Variants in IFT43 observed in about 807,000 individuals in gnomAD.
IFT43 encodes intraflagellar transport protein 43 homolog.
Under a neutral mutation model 32.3 loss-of-function variants are expected in IFT43, and 33 were observed. That is an observed-to-expected ratio of 1.02 (90% CI 0.77 to 1.37). The LOEUF (loss-of-function observed/expected upper bound fraction) is 1.37. Among genes scored for constraint, IFT43 ranks in the 40% most tolerant of loss-of-function variants. The pLI, the probability that IFT43 is intolerant of heterozygous loss-of-function variation, is 0.00. For missense variants in IFT43, 274 were observed against 265.9 expected (o/e 1.03, Z -0.21); for synonymous variants, 93 against 98.2 (o/e 0.95, Z 0.31).
chr14:76,058,592 A>G lies in IFT43; in HGVS notation c.216-50A>G. On this transcript the variant is annotated intron_variant, in intron 3 of 8. Transcript: ENST00000314067. ...CCTTCCTCAAGATACTACCTGGTGC[A>G]TGAGACTAGTGGGCTCTCAAAAACC... 3.1e-6 allele frequency: 5 copies of G among 1,608,198 alleles called. 1 individual carries two copies. The highest frequency in any genetic ancestry group is 2.5e-6 in the Non-Finnish European group (3 of 1,177,828).
intron 5 of IFT43, among the ~76,000 whole-genome samples, chr14:76,063,892 G>C (rs909519473): frequency 1.3e-5 from 2 of 152,204 alleles, no homozygotes; most frequent in African/African-American, 4.8e-5. Context: ...TCAGAAGCTA[G>C]AGCTGGGGAG....
intron 5 of IFT43, 160 bp downstream of exon 5, chr14:76,059,533 C>A: frequency 1.4e-6 from 1 of 704,456 alleles, no homozygotes; most frequent in Non-Finnish European, 2.5e-6. Flanking sequence ...CTGAATGCTG[C>A]CACCTCTACC....
chr14:76,040,762 C>T (rs2036691070), intron 3 of IFT43, among the ~76,000 whole-genome samples: 1 of 152,222 alleles, frequency 6.6e-6, no homozygotes, highest in African/African-American at 2.4e-5. Flanking sequence ...TTGCTTCCCA[C>T]TCTGAAAAGC....
Position 76,013,521 on chromosome 14 carries a change from G to T in IFT43, c.148-8806G>T, listed in dbSNP as rs2036126063. 2.0e-5 allele frequency among the ~76,000 whole-genome samples: 3 copies of T among 152,218 alleles called. No individual in the cohort carries two copies. The South Asian group carries it at 6.2e-4, about 32-fold the overall frequency. ...TGTTTCAGATTGCCCTGGGGAGACAGCCGTTTTTTGAAATGCGGATAACTA... is the reference window on the plus strand; with the variant it reads ...TGTTTCAGATTGCCCTGGGGAGACATCCGTTTTTTGAAATGCGGATAACTA... On this transcript the variant is annotated intron_variant, in intron 2 of 8. Transcript: ENST00000314067.
At chr14:75,994,924 C>A (rs960194036) in intron 2 of IFT43, among the ~76,000 whole-genome samples, 10 of 152,224 alleles carry the variant, frequency 6.6e-5, no homozygotes, top group Non-Finnish European at 1.0e-4. Context: ...CAAAAGTAAT[C>A]TTTGGCAAAA....
intron 2 of IFT43, among the ~76,000 whole-genome samples, chr14:76,000,422 G>A (rs1233992117): frequency 6.7e-6 from 1 of 149,916 alleles, no homozygotes; most frequent in Non-Finnish European, 1.5e-5. Flanking sequence ...CTGCCACCAC[G>A]CCAGGCTAAT....
At chr14:76,067,513 T>C (rs1273405557) in intron 5 of IFT43, among the ~76,000 whole-genome samples, 1 of 151,240 alleles carries the variant, frequency 6.6e-6, no homozygotes, top group African/African-American at 2.4e-5. Context: ...GAGGTTGCAG[T>C]GAGCCAAGAT....
chr14:76,043,471 A>ATTT (rs571213911), intron 3 of IFT43, among the ~76,000 whole-genome samples: 109 of 146,370 alleles, frequency 7.4e-4, no homozygotes, highest in African/African-American at 2.5e-3. Context: ...AGGTATCACG[A>ATTT]TTTTTTTTTT....
intron 1 of IFT43, among the ~76,000 whole-genome samples, chr14:75,987,745 A>G (rs1486646112): frequency 6.6e-6 from 1 of 152,234 alleles, no homozygotes; most frequent in Non-Finnish European, 1.5e-5. Flanking sequence ...TGTGCTGGGA[A>G]GCCTTAGAGG....
intron 7 of IFT43, among the ~76,000 whole-genome samples, 169 bp downstream of exon 7, chr14:76,082,861 C>T (rs1390469969): frequency 1.3e-5 from 2 of 152,218 alleles, no homozygotes; most frequent in African/African-American, 4.8e-5. Flanking sequence ...CATCTCACAG[C>T]AACCCTGGAC....
chr14:76,027,475 C>T lies in IFT43; in HGVS notation c.215+5081C>T, dbSNP rs549237180. Among the ~76,000 whole-genome samples, 18 of 152,082 alleles carry T rather than the reference C, an allele frequency of 1.2e-4. No homozygotes were observed. In the South Asian group the frequency reaches 3.3e-3, roughly 28 times the overall value. On this transcript the variant is annotated intron_variant, in intron 3 of 8. Transcript: ENST00000314067. ...CAGTGGCTCACGCACTTTGGGAGGC[C>T]GAGGCGGGTGGATCACGAGGTCAGG...
intron 5 of IFT43, among the ~76,000 whole-genome samples, chr14:76,079,016 A>G (rs2037460142): frequency 6.6e-6 from 1 of 152,232 alleles, no homozygotes; most frequent in Non-Finnish European, 1.5e-5. Flanking sequence ...ATCGAGAGAA[A>G]GACCCCAGAA....
At chr14:76,022,612 C>T (rs2036314965) in intron 3 of IFT43, 3 of 397,818 alleles carry the variant, frequency 7.5e-6, no homozygotes, top group Non-Finnish European at 1.4e-5. Context: ...TCATCACCTC[C>T]CCACCAAAAG....
intron 2 of IFT43, among the ~76,000 whole-genome samples, chr14:75,989,859 C>T (rs765692585): frequency 7.2e-5 from 11 of 152,276 alleles, no homozygotes; most frequent in South Asian, 4.1e-4. Flanking sequence ...GCAAATGAAC[C>T]GGGTACCTGA....
At chr14:75,986,082 G>A in intron 1 of IFT43, 3 of 1,473,760 alleles carry the variant, frequency 2.0e-6, no homozygotes, top group Non-Finnish European at 2.7e-6. Flanking sequence ...CCCCGCCGGC[G>A]TCTAGGACCG....
At chr14:76,027,514 C>T (rs1439828123) in intron 3 of IFT43, among the ~76,000 whole-genome samples, 1 of 152,066 alleles carries the variant, frequency 6.6e-6, no homozygotes, top group Non-Finnish European at 1.5e-5. Flanking sequence ...TCGAGACCAT[C>T]CTGGCTAACA....
intron 5 of IFT43, among the ~76,000 whole-genome samples, chr14:76,061,239 T>C (rs2037129604): frequency 6.6e-6 from 1 of 152,226 alleles, no homozygotes; most frequent in East Asian, 1.9e-4. Context: ...CTGTATGTAA[T>C]GTATCTTTCC....
intron 3 of IFT43, among the ~76,000 whole-genome samples, chr14:76,056,385 G>A (rs1411733903): frequency 3.9e-5 from 6 of 152,232 alleles, no homozygotes; most frequent in South Asian, 2.1e-4. Flanking sequence ...GAGAGAGCAG[G>A]ATGTGGGCTC....
chr14:76,074,768 CAAGTCGACGT>C (rs761094063), intron 5 of IFT43, among the ~76,000 whole-genome samples: 19 of 152,172 alleles, frequency 1.2e-4, no homozygotes, highest in Non-Finnish European at 2.1e-4. Flanking sequence ...TCTCCAGAGC[CAAGTCGACGT>C]GCTTGTAAAC....
Sources: allele counts gnomAD v4.1 joint callset (sites outside exome capture counted in the v4.1 genomes callset), GRCh38; gene constraint gnomAD v4.1.1; transcripts MANE v1.5; gene names NCBI Gene and HGNC (gene_info 2026-07-23, HGNC 2026-07-21).